Variants in EIF4EBP2 observed in about 807,000 individuals in gnomAD.
EIF4EBP2 encodes eukaryotic translation initiation factor 4E-binding protein 2.
In EIF4EBP2, 5 loss-of-function variants were observed where a neutral mutation model predicts 10.3. That is an observed-to-expected ratio of 0.48 (90% CI 0.25 to 1.02). The LOEUF is 1.02. Ranked by LOEUF, EIF4EBP2 falls within the 50% of genes least tolerant of loss-of-function variation. EIF4EBP2 has a pLI of 0.15. For missense variants in EIF4EBP2, 188 were observed against 162.2 expected, an observed-to-expected ratio of 1.16 and a Z score of -0.86; for synonymous variants, 67 against 61.1, an observed-to-expected ratio of 1.10 and a Z score of -0.45.
rs750558076 is a variant in EIF4EBP2, at chr10:70,407,730, A to ACCCC, written c.145+3191_145+3194dup. On this transcript the variant is annotated intron_variant, in intron 1 of 2. Coordinates refer to ENST00000373218, the MANE Select transcript of EIF4EBP2 (RefSeq NM_004096.5). ...CGCTCACCTCCCGGGCGGGGGGCTG[A>ACCCC]CCCCCCCCCCACCTCCCTCCCAGAC... 4.2e-4 allele frequency among the ~76,000 whole-genome samples: 43 copies of ACCCC among 103,562 alleles called. 2 individuals are homozygous for ACCCC. The highest frequency in any genetic ancestry group is 1.5e-3 in the African/African-American group (33 of 22,194). The allele number at this position is 103,562 out of a possible 152,430, so 67.9% of individuals were successfully genotyped here.
In EIF4EBP2 at chr10:70,408,349, C is replaced by G. The variant is rs544738891; in HGVS notation, c.145+3803C>G. Among the ~76,000 whole-genome samples the G allele has an allele frequency of 8.5e-5, 13 of 152,258 alleles. No individual in the cohort carries two copies. In the East Asian group the frequency reaches 1.4e-3, roughly 16 times the overall value. Reference sequence around the variant, plus strand: ...CAGGATGGTCTTAATCTTCTGACCTCGTGATCTGCCCGCCTCGGCCTCCCA... The same window carrying G: ...CAGGATGGTCTTAATCTTCTGACCTGGTGATCTGCCCGCCTCGGCCTCCCA... On this transcript the variant is annotated intron_variant, in intron 1 of 2. Coordinates refer to ENST00000373218, the MANE Select transcript of EIF4EBP2 (RefSeq NM_004096.5).
chr10:70,406,961 G>A (rs971099566), intron 1 of EIF4EBP2, among the ~76,000 whole-genome samples: 1 of 152,124 alleles, frequency 6.6e-6, no homozygotes, highest in Non-Finnish European at 1.5e-5. Context: ...GCAGTGGCGC[G>A]ATCTCGGCTC....
intron 1 of EIF4EBP2, among the ~76,000 whole-genome samples, chr10:70,407,267 C>T (rs1368582565): frequency 9.9e-5 from 15 of 152,060 alleles, no homozygotes; most frequent in East Asian, 3.9e-4. Context: ...TGTGGCCTTC[C>T]GCAGTGTTTG....
intron 1 of EIF4EBP2, among the ~76,000 whole-genome samples, chr10:70,418,227 C>T (rs1339769179): frequency 1.3e-5 from 2 of 152,210 alleles, no homozygotes; most frequent in African/African-American, 4.8e-5. Flanking sequence ...AAGGCAGCTA[C>T]CTACAAGCCA....
intron 1 of EIF4EBP2, 108 bp downstream of exon 1, chr10:70,404,654 G>A: frequency 7.4e-7 from 1 of 1,347,412 alleles, no homozygotes; most frequent in East Asian, 3.1e-5. Flanking sequence ...CTCCACCGAA[G>A]CCCCGGGGAC....
intron 1 of EIF4EBP2, among the ~76,000 whole-genome samples, chr10:70,407,563 CT>C (rs1439735950): frequency 6.6e-6 from 1 of 152,166 alleles, no homozygotes; most frequent in African/African-American, 2.4e-5. Flanking sequence ...TTTTCCCCAC[CT>C]TTCCCCCCTT....
chr10:70,421,977 A>G lies in EIF4EBP2; in HGVS notation c.*230A>G. 3.8e-6 allele frequency: 2 copies of G among 525,374 alleles called. No homozygotes were observed. The highest frequency in any genetic ancestry group is 6.8e-6 in the Non-Finnish European group (2 of 293,304). The allele number at this position is 525,374 out of a possible 1,614,324, so 32.5% of individuals were successfully genotyped here. The stretch of plus-strand genomic sequence containing the variant: ...TTCCCAGTTAAACAGGTTAGATTGA[A>G]GGCCCTTGCTGTATTTCTGTAGAGC... On this transcript the variant is annotated 3_prime_UTR_variant, in exon 3 of 3. Coordinates refer to ENST00000373218, the MANE Select transcript of EIF4EBP2 (RefSeq NM_004096.5).
At chr10:70,415,371 C>T (rs959782757) in intron 1 of EIF4EBP2, among the ~76,000 whole-genome samples, 1 of 152,142 alleles carries the variant, frequency 6.6e-6, no homozygotes, top group African/African-American at 2.4e-5. Context: ...GGTAGTACTC[C>T]ACAAATTGAC....
chr10:70,418,516 G>T (rs1162287091), intron 1 of EIF4EBP2, among the ~76,000 whole-genome samples: 1 of 152,152 alleles, frequency 6.6e-6, no homozygotes, highest in Admixed American at 6.5e-5. Context: ...ACTTGATAGG[G>T]CTTAGAGACT....
Position 70,420,001 on chromosome 10 carries a change from TCCCAGGAGTCACTAG to T in EIF4EBP2, c.237_251del (p.Val81_Gly85del). On this transcript the variant is annotated inframe_deletion, in exon 2 of 3. Transcript: ENST00000373218. ...ACCCCACCCTGCCACCTGCCCAATA[TCCCAGGAGTCACTAG>T]CCCTGGCACCTTAATTGAAGACTCC... The T allele has an allele frequency of 6.2e-7, 1 of 1,613,436 alleles. No individual in the cohort carries two copies. The highest frequency in any genetic ancestry group is 8.5e-7 in the Non-Finnish European group (1 of 1,179,814).
At chr10:70,410,536 T>C (rs1845033549) in intron 1 of EIF4EBP2, among the ~76,000 whole-genome samples, 1 of 152,230 alleles carries the variant, frequency 6.6e-6, no homozygotes, top group Admixed American at 6.5e-5. Flanking sequence ...CAGGAGTCTG[T>C]CTCTTCATCC....
intron 1 of EIF4EBP2, among the ~76,000 whole-genome samples, chr10:70,415,060 A>G (rs914419951): frequency 1.3e-5 from 2 of 151,982 alleles, no homozygotes; most frequent in Admixed American, 1.3e-4. Context: ...AGGGAGGCTG[A>G]GGCAGGAGGA....
chr10:70,407,609 C>G (rs1015358075), intron 1 of EIF4EBP2, among the ~76,000 whole-genome samples: 25 of 152,034 alleles, frequency 1.6e-4, no homozygotes, highest in African/African-American at 5.3e-4. Flanking sequence ...CATCATGGCC[C>G]GTTCTCAATG....
intron 2 of EIF4EBP2, 80 bp downstream of exon 2, chr10:70,420,179 T>C: frequency 7.1e-7 from 1 of 1,398,732 alleles, no homozygotes; most frequent in African/African-American, 1.5e-5. Context: ...TGAGAAGCTA[T>C]TGATTCTTCA....
intron 1 of EIF4EBP2, 60 bp downstream of exon 1, chr10:70,404,606 G>A: frequency 6.9e-7 from 1 of 1,456,220 alleles, no homozygotes; most frequent in South Asian, 1.4e-5. Flanking sequence ...CTAACTCCTC[G>A]GCGCCTCGGT....
chr10:70,413,455 A>G (rs548811756), intron 1 of EIF4EBP2, among the ~76,000 whole-genome samples: 1 of 152,040 alleles, frequency 6.6e-6, no homozygotes, highest in African/African-American at 2.4e-5. Flanking sequence ...ATGAGACCCC[A>G]TCTCTACAAA....
At chr10:70,410,983 GTATT>G (rs1845038323) in intron 1 of EIF4EBP2, among the ~76,000 whole-genome samples, 1 of 152,122 alleles carries the variant, frequency 6.6e-6, no homozygotes, top group Non-Finnish European at 1.5e-5. Context: ...TTGTATGTAT[GTATT>G]TATAAGATAT....
In EIF4EBP2 at chr10:70,423,868, T is replaced by G. The variant is rs1845182591; in HGVS notation, c.*2121T>G. On this transcript the variant is annotated 3_prime_UTR_variant, in exon 3 of 3. Coordinates refer to ENST00000373218, the MANE Select transcript of EIF4EBP2 (RefSeq NM_004096.5). ...GAAAAGTAATTTTTGTTTGTTTGTTTAATGTATCCCTGTTCTGTTTTTAAT... is the reference window on the plus strand; with the variant it reads ...GAAAAGTAATTTTTGTTTGTTTGTTGAATGTATCCCTGTTCTGTTTTTAAT... 1 of 152,636 alleles carries G rather than the reference T, an allele frequency of 6.6e-6. No homozygotes were observed. The highest frequency in any genetic ancestry group is 1.5e-5 in the Non-Finnish European group (1 of 68,048). 9.5% of individuals were successfully genotyped at this position (152,636 alleles called of 1,614,324 possible). A position where few individuals can be genotyped will look rare whatever the true frequency, so the allele number is the denominator to read the frequency against.
chr10:70,407,015 A>G (rs1361757165), intron 1 of EIF4EBP2, among the ~76,000 whole-genome samples: 2 of 152,092 alleles, frequency 1.3e-5, no homozygotes, highest in Admixed American at 6.5e-5. Flanking sequence ...CTCCTGCCTC[A>G]GCCTCCCGAG....
Sources: allele counts gnomAD v4.1 joint callset (sites outside exome capture counted in the v4.1 genomes callset), GRCh38; gene constraint gnomAD v4.1.1; transcripts MANE v1.5; gene names NCBI Gene and HGNC (gene_info 2026-07-23, HGNC 2026-07-21).